Variants in ASCC3 observed in about 807,000 individuals in gnomAD.
ASCC3 encodes ASC-1 complex subunit P200.
In ASCC3, 158 loss-of-function variants were observed where a neutral mutation model predicts 256.3. The ratio of observed to expected loss-of-function variants is 0.62; its 90% CI spans 0.54 to 0.70. The LOEUF (loss-of-function observed/expected upper bound fraction) is 0.70. Ranked by LOEUF, ASCC3 falls within the 30% of genes least tolerant of loss-of-function variation. The pLI, the probability that ASCC3 is intolerant of heterozygous loss-of-function variation, is 0.00. For missense variants in ASCC3, 2,259 were observed against 2,626.0 expected, an observed-to-expected ratio of 0.86 and a Z score of 3.05; for synonymous variants, 948 against 883.4, an observed-to-expected ratio of 1.07 and a Z score of -1.30.
At chr6:100,692,589 ATTCTT>A (rs1441296461) in intron 13 of ASCC3, among the ~76,000 whole-genome samples, 1 of 151,990 alleles carries the variant, frequency 6.6e-6, no homozygotes, top group Non-Finnish European at 1.5e-5. Flanking sequence ...TTTAAAAATT[ATTCTT>A]TTCTTTTTTT....
At chr6:100,729,577 T>C (rs1290020587) in intron 10 of ASCC3, among the ~76,000 whole-genome samples, 1 of 152,202 alleles carries the variant, frequency 6.6e-6, no homozygotes, top group Non-Finnish European at 1.5e-5. Flanking sequence ...CAAAAATGTA[T>C]GTGATGCATA....
chr6:100,879,018 G>C (rs1769146561), intron 1 of ASCC3, among the ~76,000 whole-genome samples: 1 of 152,128 alleles, frequency 6.6e-6, no homozygotes, highest in African/African-American at 2.4e-5. Context: ...TGACTGACCA[G>C]CTATAAATTG....
intron 8 of ASCC3, among the ~76,000 whole-genome samples, chr6:100,771,792 A>G (rs948598780): frequency 4.1e-5 from 6 of 145,744 alleles, no homozygotes; most frequent in Admixed American, 6.9e-5. Flanking sequence ...TTGTTGATGT[A>G]GAGAAAAAAG....
chr6:100,575,880 C>T (rs1434540870), intron 36 of ASCC3, among the ~76,000 whole-genome samples: 1 of 151,964 alleles, frequency 6.6e-6, no homozygotes, highest in Non-Finnish European at 1.5e-5. Flanking sequence ...AATAGACTAC[C>T]TTCTAAAAGT....
chr6:100,837,796 G>A (rs1771948872), intron 4 of ASCC3, among the ~76,000 whole-genome samples: 1 of 152,026 alleles, frequency 6.6e-6, no homozygotes, highest in Non-Finnish European at 1.5e-5. Flanking sequence ...TAGAGAGGAG[G>A]AATAAGTTAT....
chr6:100,601,715 C>CT (rs1330830499), intron 34 of ASCC3, 95 bp downstream of exon 34: 22 of 1,474,964 alleles, frequency 1.5e-5, no homozygotes, highest in Non-Finnish European at 1.9e-5. Flanking sequence ...AAAGTTCTGC[C>CT]TTTTTTGTAT....
intron 16 of ASCC3, 73 bp downstream of exon 16, chr6:100,661,733 C>T: frequency 1.3e-6 from 2 of 1,491,600 alleles, no homozygotes; most frequent in Non-Finnish European, 9.3e-7. Context: ...CAGCAACCAA[C>T]TCAATCTTCA....
At chr6:100,582,692 T>G (rs1771363952) in intron 36 of ASCC3, among the ~76,000 whole-genome samples, 1 of 151,728 alleles carries the variant, frequency 6.6e-6, no homozygotes, top group African/African-American at 2.4e-5. Flanking sequence ...CTTCCAGTTT[T>G]TGCCCATTCA....
chr6:100,807,995 A>T (rs1049964939), intron 4 of ASCC3, among the ~76,000 whole-genome samples: 4 of 151,934 alleles, frequency 2.6e-5, no homozygotes, highest in African/African-American at 7.2e-5. Flanking sequence ...TTTCTCAAAA[A>T]TGAAAGTGAG....
intron 10 of ASCC3, among the ~76,000 whole-genome samples, chr6:100,733,165 A>T (rs375320255): frequency 3.8e-4 from 58 of 152,338 alleles, no homozygotes; most frequent in Admixed American, 1.5e-3. Flanking sequence ...ACATAGCTTC[A>T]AATAGAGACA....
chr6:100,703,535 G>A lies in ASCC3; in HGVS notation c.2151+11927C>T, dbSNP rs879781634. Among the ~76,000 whole-genome samples the A allele has an allele frequency of 3.2e-4, 48 of 151,914 alleles. 1 individual carries two copies. Among genetic ancestry groups the A allele is most frequent in the Admixed American group, 2.8e-3 (43 of 15,252 alleles). On this transcript the variant is annotated intron_variant, in intron 13 of 41. Transcript: ENST00000369162. ...TGACAAGATTACTCTAGCAGCTTAC[G>A]GTGCTAAGAAATTATTGCTTTTGAA...
At chr6:100,661,698 G>C (rs1015428409) in intron 16 of ASCC3, 108 bp downstream of exon 16, 15 of 1,071,724 alleles carry the variant, frequency 1.4e-5, no homozygotes, top group Middle Eastern at 2.3e-4. Context: ...ATATGGCATA[G>C]GCTGTAATCC....
Position 100,540,793 on chromosome 6 carries a change from G to T in ASCC3, c.5551-406C>A, listed in dbSNP as rs372885677. On this transcript the variant is annotated intron_variant, in intron 36 of 41. Transcript: ENST00000369162. ...GTTTGGGGGACCTTCTTATTTTAGA[G>T]GGTGAGGGAAAGCTTTCTGAAAAAG... 4.6e-5 allele frequency among the ~76,000 whole-genome samples: 7 copies of T among 152,258 alleles called. No individual in the cohort carries two copies. In the East Asian group the frequency reaches 1.2e-3, roughly 25 times the overall value.
At chr6:100,565,461 AAAAT>A (rs541474576) in intron 36 of ASCC3, among the ~76,000 whole-genome samples, 2 of 152,204 alleles carry the variant, frequency 1.3e-5, no homozygotes, top group South Asian at 2.1e-4. Context: ...TGGCTTTTTA[AAAAT>A]AAATAAATAA....
intron 37 of ASCC3, among the ~76,000 whole-genome samples, chr6:100,524,526 G>A (rs1300310823): frequency 6.6e-6 from 1 of 152,022 alleles, no homozygotes; most frequent in African/African-American, 2.4e-5. Flanking sequence ...TAGCATCACT[G>A]ACCTAGTCTA....
At chr6:100,599,063 G>A (rs1439834312) in intron 34 of ASCC3, among the ~76,000 whole-genome samples, 9 of 152,120 alleles carry the variant, frequency 5.9e-5, no homozygotes, top group Admixed American at 3.9e-4. Flanking sequence ...TTTTGGACAT[G>A]TTAAAGTGAA....
intron 37 of ASCC3, among the ~76,000 whole-genome samples, chr6:100,534,725 T>C (rs1775081223): frequency 6.6e-6 from 1 of 152,032 alleles, no homozygotes; most frequent in Non-Finnish European, 1.5e-5. Context: ...AACCAAAAAA[T>C]GACACAAATG....
chr6:100,539,437 T>C lies in ASCC3; in HGVS notation c.5775+726A>G, dbSNP rs569703077. ...TTTATGTTGATTGTAAAAGAAGATATATAAATCTAGTTGATCTCTTAAGTT... is the reference window on the plus strand; with the variant it reads ...TTTATGTTGATTGTAAAAGAAGATACATAAATCTAGTTGATCTCTTAAGTT... On this transcript the variant is annotated intron_variant, in intron 37 of 41. Coordinates refer to ENST00000369162, the MANE Select transcript of ASCC3 (RefSeq NM_006828.4). Among the ~76,000 whole-genome samples the C allele has an allele frequency of 7.9e-5, 12 of 152,340 alleles. No individual in the cohort carries two copies. In the South Asian group the frequency reaches 2.3e-3, roughly 29 times the overall value.
chr6:100,648,024 TTTAA>T (rs1244075094), intron 20 of ASCC3, among the ~76,000 whole-genome samples: 1 of 152,158 alleles, frequency 6.6e-6, no homozygotes, highest in Non-Finnish European at 1.5e-5. Context: ...AAAAATTGCA[TTTAA>T]TTGATATTAA....
Sources: gnomAD v4.1 joint callset for allele counts (sites outside exome capture counted in the v4.1 genomes callset) on GRCh38, gnomAD v4.1.1 for gene constraint, MANE v1.5 for transcripts, NCBI Gene and HGNC (gene_info 2026-07-23, HGNC 2026-07-21) for gene names.